TENM3: variants seen among roughly 807,000 people sequenced by gnomAD.
TENM3 encodes the protein teneurin transmembrane protein 3.
TENM3 carries 63 observed loss-of-function variants against 255.1 expected under a neutral mutation model. The observed-to-expected ratio is 0.25, with a 90% CI of 0.20 to 0.30. The LOEUF (loss-of-function observed/expected upper bound fraction) is 0.30, where lower values mean the gene tolerates loss of function less well. TENM3 is among the 10% of genes least tolerant of loss of function. The probability of loss-of-function intolerance (pLI) is 1.00; values close to 1 mark genes in which losing one functional copy is unlikely to be tolerated. For synonymous variants in TENM3, 1,306 were observed against 1,322.3 expected (o/e 0.99, Z 0.27); for missense variants, 2,929 against 3,461.1 (o/e 0.85, Z 3.86).
chr4:182,306,019 G>GGT (rs1359232269), intron 1 of TENM3, among the ~76,000 whole-genome samples: 2 of 152,108 alleles, frequency 1.3e-5, no homozygotes, highest in African/African-American at 4.8e-5. Context: ...AGGAGCTGGA[G>GGT]GTGCCTGGCC....
At chr4:182,391,652 T>C (rs1203016134) in intron 3 of TENM3, among the ~76,000 whole-genome samples, 1 of 152,170 alleles carries the variant, frequency 6.6e-6, no homozygotes, top group Non-Finnish European at 1.5e-5. Flanking sequence ...TAGCATCTTT[T>C]ATTCAAAGGT....
At chr4:182,545,855 G>A (rs953244300) in intron 3 of TENM3, among the ~76,000 whole-genome samples, 1 of 152,054 alleles carries the variant, frequency 6.6e-6, no homozygotes, top group Non-Finnish European at 1.5e-5. Flanking sequence ...ACAATTAGGG[G>A]GCTAGAGGTG....
intron 3 of TENM3, among the ~76,000 whole-genome samples, chr4:182,461,547 G>T (rs1731983538): frequency 6.6e-6 from 1 of 152,176 alleles, no homozygotes; most frequent in Admixed American, 6.5e-5. Flanking sequence ...CAATCACACA[G>T]TAGTACGGTG....
chr4:182,680,362 G>A lies in TENM3; in HGVS notation c.1639+13G>A. On this transcript the variant is annotated intron_variant, in intron 9 of 27. Coordinates refer to ENST00000511685, the MANE Select transcript of TENM3 (RefSeq NM_001080477.4). ...GATTGTTCAAGAGGTATGCAAGTTAGATTCTTCTCTTAAGCCGATATAAAT... is the reference window on the plus strand; with the variant it reads ...GATTGTTCAAGAGGTATGCAAGTTAAATTCTTCTCTTAAGCCGATATAAAT... The A allele has an allele frequency of 6.4e-7, 1 of 1,556,350 alleles. No individual in the cohort carries two copies. The highest frequency in any genetic ancestry group is 1.1e-5 in the South Asian group (1 of 90,110).
chr4:182,797,985 T>C (rs56382828), intron 27 of TENM3, among the ~76,000 whole-genome samples: 4,905 of 152,260 alleles, frequency 0.032, 253 homozygotes, highest in African/African-American at 0.11. Flanking sequence ...TTTTGGTCAA[T>C]GACAGACCTT....
the TENM3 span, among the ~76,000 whole-genome samples, chr4:181,620,553 T>G: frequency 2.0e-5 from 3 of 151,920 alleles, no homozygotes; most frequent in African/African-American, 7.3e-5. Context: ...CAACTGTAGT[T>G]GGAAATGAAC....
At chr4:181,780,627 GTTCT>G in the TENM3 span, among the ~76,000 whole-genome samples, 1 of 152,170 alleles carries the variant, frequency 6.6e-6, no homozygotes, top group African/African-American at 2.4e-5. Context: ...CTGTGCAGAA[GTTCT>G]TTAGTTTAAT....
chr4:181,572,788 T>G, the TENM3 span, among the ~76,000 whole-genome samples: 1 of 152,338 alleles, frequency 6.6e-6, no homozygotes, highest in East Asian at 1.9e-4. Flanking sequence ...AATAAATTAT[T>G]GTTGACTGTA....
At chr4:182,123,177 T>G in the TENM3 span, among the ~76,000 whole-genome samples, 1 of 152,186 alleles carries the variant, frequency 6.6e-6, no homozygotes, top group Non-Finnish European at 1.5e-5. Context: ...GTTGTTTGTT[T>G]TTTGTTTGTT....
chr4:181,516,062 A>T, the TENM3 span, among the ~76,000 whole-genome samples: 1,085 of 152,302 alleles, frequency 7.1e-3, 13 homozygotes, highest in African/African-American at 0.025. Flanking sequence ...GGAGGGACAT[A>T]GATGGAGCTG....
chr4:181,776,048 C>T, the TENM3 span, among the ~76,000 whole-genome samples: 1 of 152,060 alleles, frequency 6.6e-6, no homozygotes, highest in East Asian at 1.9e-4. Flanking sequence ...TTTGTGTACC[C>T]ATTAACCAAC....
intron 1 of TENM3, among the ~76,000 whole-genome samples, chr4:182,209,282 T>G (rs1264288057): frequency 1.4e-5 from 2 of 145,672 alleles, no homozygotes; most frequent in African/African-American, 2.5e-5. Context: ...TGTCCCTCTT[T>G]AAAAAAAAAA....
chr4:182,263,217 C>T (rs1270765761), intron 1 of TENM3, among the ~76,000 whole-genome samples: 2 of 152,010 alleles, frequency 1.3e-5, no homozygotes, highest in Non-Finnish European at 1.5e-5. Context: ...AAGAGAAGAC[C>T]CCCGACCCAA....
At chr4:182,418,947 C>T (rs533443423) in intron 3 of TENM3, among the ~76,000 whole-genome samples, 1 of 152,172 alleles carries the variant, frequency 6.6e-6, no homozygotes, top group African/African-American at 2.4e-5. Flanking sequence ...ATCTGCGGCA[C>T]GTTCCGTCCT....
chr4:181,699,517 T>C, the TENM3 span, among the ~76,000 whole-genome samples: 2 of 129,976 alleles, frequency 1.5e-5, no homozygotes, highest in African/African-American at 5.7e-5. Flanking sequence ...GCTAATATAA[T>C]ACATCATTAT....
chr4:182,035,989 CT>C, the TENM3 span, among the ~76,000 whole-genome samples: 1 of 152,144 alleles, frequency 6.6e-6, no homozygotes, highest in African/African-American at 2.4e-5. Context: ...ATCACGGGGT[CT>C]TGTGCAGGCT....
the TENM3 span, among the ~76,000 whole-genome samples, chr4:181,639,951 G>A: frequency 6.6e-6 from 1 of 152,176 alleles, no homozygotes; most frequent in African/African-American, 2.4e-5. Flanking sequence ...CGTTTACAAT[G>A]CCGTGTCGCT....
At chr4:182,313,309 G>A (rs1044914003) in intron 1 of TENM3, among the ~76,000 whole-genome samples, 4 of 151,586 alleles carry the variant, frequency 2.6e-5, no homozygotes, top group Non-Finnish European at 4.4e-5. Flanking sequence ...ACTATTTATA[G>A]TTCTATATAT....
chr4:182,341,981 A>G (rs1412906996), intron 2 of TENM3, among the ~76,000 whole-genome samples: 2 of 152,226 alleles, frequency 1.3e-5, no homozygotes, highest in Non-Finnish European at 2.9e-5. Context: ...GAACCAATAG[A>G]TGATAACAAG....
Sources: allele counts gnomAD v4.1 joint callset (sites outside exome capture counted in the v4.1 genomes callset), GRCh38; gene constraint gnomAD v4.1.1; transcripts MANE v1.5; gene names NCBI Gene and HGNC (gene_info 2026-07-23, HGNC 2026-07-21).